ASPRV1: variants seen among roughly 807,000 people sequenced by gnomAD.
ASPRV1 encodes the protein aspartic peptidase retroviral like 1.
A neutral mutation model predicts 11.0 loss-of-function variants in ASPRV1; 7 were observed. The ratio of observed to expected loss-of-function variants is 0.64; its 90% CI spans 0.36 to 1.20. The LOEUF is 1.20. ASPRV1 is among the 50% of genes most tolerant of loss of function. ASPRV1 has a pLI of 0.02. For missense variants in ASPRV1, 299 were observed against 320.0 expected, an observed-to-expected ratio of 0.93 and a Z score of 0.50; for synonymous variants, 136 against 138.4, an observed-to-expected ratio of 0.98 and a Z score of 0.12.
the ASPRV1 span, among the ~76,000 whole-genome samples, chr2:69,952,509 A>G: frequency 6.6e-6 from 1 of 151,968 alleles, no homozygotes; most frequent in Admixed American, 6.6e-5. Context: ...CTGTAAGAAA[A>G]GAAAAAGAAA....
chr2:70,001,923 GA>G, the ASPRV1 span, among the ~76,000 whole-genome samples: 3 of 151,872 alleles, frequency 2.0e-5, no homozygotes, highest in Admixed American at 6.6e-5. Context: ...TCATTGACAA[GA>G]AAAAATGTTC....
At chr2:69,985,766 T>G in the ASPRV1 span, among the ~76,000 whole-genome samples, 4 of 152,336 alleles carry the variant, frequency 2.6e-5, no homozygotes, top group African/African-American at 7.2e-5. Flanking sequence ...AAGCAATTAC[T>G]ACCTTGGGTC....
the ASPRV1 span, among the ~76,000 whole-genome samples, chr2:70,071,115 A>C: frequency 6.6e-6 from 1 of 152,156 alleles, no homozygotes; most frequent in African/African-American, 2.4e-5. Context: ...CTGACCTCCT[A>C]ATGATTACAA....
chr2:70,068,473 C>T, the ASPRV1 span, among the ~76,000 whole-genome samples: 3 of 152,054 alleles, frequency 2.0e-5, no homozygotes, highest in Non-Finnish European at 4.4e-5. Flanking sequence ...GGCTGGAGAA[C>T]GGGGGTTTCT....
chr2:69,939,649 T>A, the ASPRV1 span: 2 of 152,668 alleles, frequency 1.3e-5, no homozygotes, highest in Non-Finnish European at 2.9e-5. Context: ...ATTTTTGCAT[T>A]CATATTTTTG....
At chr2:70,085,755 G>A in the ASPRV1 span, 1 of 152,210 alleles carries the variant, frequency 6.6e-6, no homozygotes. Context: ...CACAATAAAC[G>A]CCTGTCCCTT....
At chr2:70,021,662 T>G in the ASPRV1 span, among the ~76,000 whole-genome samples, 1 of 150,994 alleles carries the variant, frequency 6.6e-6, no homozygotes, top group Middle Eastern at 3.2e-3. Context: ...ATAGTACCTA[T>G]AGTTAACAAT....
chr2:69,966,088 G>A (rs1572878361), upstream of ASPRV1, among the ~76,000 whole-genome samples: 1 of 152,208 alleles, frequency 6.6e-6, no homozygotes, highest in South Asian at 2.1e-4. Context: ...GGGGGTCCTG[G>A]AGGTGTTTGG....
the ASPRV1 span, among the ~76,000 whole-genome samples, chr2:70,067,803 A>C: frequency 2.0e-5 from 3 of 152,234 alleles, no homozygotes; most frequent in Non-Finnish European, 4.4e-5. Context: ...AAATAACTGA[A>C]ATGGGGAGAC....
At chr2:70,016,555 C>T in the ASPRV1 span, among the ~76,000 whole-genome samples, 1 of 152,140 alleles carries the variant, frequency 6.6e-6, no homozygotes, top group Middle Eastern at 3.4e-3. Context: ...TTCAACAACA[C>T]ATTAAAAAGA....
upstream of ASPRV1, chr2:69,962,709 A>C (rs1678168832): frequency 6.3e-6 from 1 of 159,846 alleles, no homozygotes; most frequent in Admixed American, 5.8e-5. Context: ...TTCAAAGGTC[A>C]CTCCATGGAG....
At chr2:70,084,551 G>A in the ASPRV1 span, among the ~76,000 whole-genome samples, 2 of 152,180 alleles carry the variant, frequency 1.3e-5, no homozygotes, top group Admixed American at 6.5e-5. Context: ...ACCCATTTCA[G>A]GAGGTTTTGT....
upstream of ASPRV1, among the ~76,000 whole-genome samples, chr2:69,965,517 G>C (rs1678310698): frequency 6.6e-6 from 1 of 152,130 alleles, no homozygotes; most frequent in Admixed American, 6.5e-5. Flanking sequence ...TTACAAATTT[G>C]TGTTGGGCCA....
the ASPRV1 span, among the ~76,000 whole-genome samples, chr2:70,054,358 C>T: frequency 6.6e-6 from 1 of 151,250 alleles, no homozygotes; most frequent in Non-Finnish European, 1.5e-5. Flanking sequence ...GAGGCCGAGG[C>T]GGGTGGGTCA....
chr2:69,953,858 C>T, the ASPRV1 span, among the ~76,000 whole-genome samples: 2 of 150,912 alleles, frequency 1.3e-5, no homozygotes, highest in Admixed American at 1.3e-4. Context: ...CAGGCACACG[C>T]CACCATGCCC....
chr2:69,981,383 C>T, the ASPRV1 span, among the ~76,000 whole-genome samples: 1 of 152,062 alleles, frequency 6.6e-6, no homozygotes, highest in African/African-American at 2.4e-5. Context: ...AATTAGGACA[C>T]AAAACTAGAT....
the ASPRV1 span, among the ~76,000 whole-genome samples, chr2:70,033,893 G>A: frequency 1.6e-4 from 25 of 152,096 alleles, no homozygotes; most frequent in African/African-American, 6.0e-4. Flanking sequence ...GGTGGCTCAC[G>A]CCTGTAATCC....
chr2:70,055,089 G>C, the ASPRV1 span, among the ~76,000 whole-genome samples: 1 of 152,102 alleles, frequency 6.6e-6, no homozygotes, highest in Non-Finnish European at 1.5e-5. Context: ...GATTACCTGA[G>C]GTCAGGAGTT....
chr2:69,938,050 C>T, the ASPRV1 span: 5 of 1,582,774 alleles, frequency 3.2e-6, no homozygotes, highest in East Asian at 4.5e-5. Context: ...CCTGAGCTTT[C>T]TGCAGAGCGC....
Sources: gnomAD v4.1 joint callset for allele counts (sites outside exome capture counted in the v4.1 genomes callset) on GRCh38, gnomAD v4.1.1 for gene constraint, MANE v1.5 for transcripts, NCBI Gene and HGNC (gene_info 2026-07-23, HGNC 2026-07-21) for gene names.